ZNF804A: variants seen among roughly 807,000 people sequenced by gnomAD.
ZNF804A encodes the protein zinc finger protein 804A.
ZNF804A carries 2 observed loss-of-function variants against 16.5 expected under a neutral mutation model. The ratio of observed to expected loss-of-function variants is 0.12; its 90% CI spans 0.05 to 0.38. The LOEUF (loss-of-function observed/expected upper bound fraction) is 0.38, where lower values mean the gene tolerates loss of function less well. ZNF804A is among the 10% of genes least tolerant of loss of function. The probability of loss-of-function intolerance (pLI) is 0.99; values close to 1 mark genes in which losing one functional copy is unlikely to be tolerated. For missense variants in ZNF804A, 1,473 were observed against 1,390.7 expected, an observed-to-expected ratio of 1.06 and a Z score of -0.94; for synonymous variants, 534 against 489.6, an observed-to-expected ratio of 1.09 and a Z score of -1.20.
chr2:184,813,982 G>A (rs1257505631), intron 1 of ZNF804A, among the ~76,000 whole-genome samples: 2 of 124,712 alleles, frequency 1.6e-5, no homozygotes, highest in African/African-American at 5.9e-5. Flanking sequence ...GGGCATGTTT[G>A]AGAAAGGCAG....
chr2:184,740,555 T>C (rs534033160), intron 1 of ZNF804A, among the ~76,000 whole-genome samples: 3 of 152,308 alleles, frequency 2.0e-5, no homozygotes, highest in Admixed American at 2.0e-4. Context: ...TGTGATTAAA[T>C]AAAACCTCAG....
intron 1 of ZNF804A, among the ~76,000 whole-genome samples, chr2:184,865,627 G>A (rs1695867976): frequency 2.0e-5 from 3 of 152,092 alleles, no homozygotes; most frequent in South Asian, 4.1e-4. Flanking sequence ...GCCATTTTAT[G>A]CATTGCAAAC....
intron 1 of ZNF804A, among the ~76,000 whole-genome samples, chr2:184,605,633 A>G (rs1691133931): frequency 6.6e-6 from 1 of 152,138 alleles, no homozygotes; most frequent in Non-Finnish European, 1.5e-5. Context: ...ACTGGGCATT[A>G]GAAGTAATCT....
chr2:184,725,680 T>C (rs972710484), intron 1 of ZNF804A, among the ~76,000 whole-genome samples: 2 of 151,592 alleles, frequency 1.3e-5, no homozygotes, highest in Non-Finnish European at 3.0e-5. Flanking sequence ...TAGTTCTATA[T>C]CATTTTACCA....
Position 184,935,913 on chromosome 2 carries a change from A to T in ZNF804A, c.517A>T (p.Ser173Cys), listed in dbSNP as rs367689479. ...QQDFKYTLIHSEENTKDATTV... is the reference protein window; with the variant it reads ...QQDFKYTLIHCEENTKDATTV... Reference sequence around the variant, plus strand: ...AGATTTCAAATATACTTTGATTCATAGTGAAGAGAATACTAAAGATGCTAC... The same window carrying T: ...AGATTTCAAATATACTTTGATTCATTGTGAAGAGAATACTAAAGATGCTAC... Residue 173 changes from serine to cysteine, a missense_variant, in exon 4 of 4, where the codon AGT becomes TGT. Coordinates refer to ENST00000302277, the MANE Select transcript of ZNF804A (RefSeq NM_194250.2). The T allele has an allele frequency of 1.1e-4, 177 of 1,613,868 alleles. No individual in the cohort carries two copies. Among genetic ancestry groups the T allele is most frequent in the Non-Finnish European group, 1.4e-4 (165 of 1,179,928 alleles).
chr2:184,681,799 C>G (rs1368990563), intron 1 of ZNF804A, among the ~76,000 whole-genome samples: 1 of 152,224 alleles, frequency 6.6e-6, no homozygotes, highest in African/African-American at 2.4e-5. Context: ...CTTCCCAACA[C>G]AAATGCAGCT....
chr2:184,666,339 T>G (rs577971509), intron 1 of ZNF804A, among the ~76,000 whole-genome samples: 29 of 152,100 alleles, frequency 1.9e-4, no homozygotes, highest in Non-Finnish European at 3.7e-4. Context: ...ACAGATTCAT[T>G]TCAAAGCCTA....
chr2:184,642,143 GT>G (rs1691805074), intron 1 of ZNF804A, among the ~76,000 whole-genome samples: 1 of 152,088 alleles, frequency 6.6e-6, no homozygotes, highest in Non-Finnish European at 1.5e-5. Flanking sequence ...AAATTGAAAT[GT>G]TTGTGGCACT....
intron 1 of ZNF804A, among the ~76,000 whole-genome samples, chr2:184,797,558 G>A (rs915808464): frequency 6.6e-6 from 1 of 152,130 alleles, no homozygotes; most frequent in Non-Finnish European, 1.5e-5. Context: ...TAGTTGGTTT[G>A]TGAGTTCTTT....
At chr2:184,798,357 C>T (rs948389145) in intron 1 of ZNF804A, among the ~76,000 whole-genome samples, 1 of 151,738 alleles carries the variant, frequency 6.6e-6, no homozygotes, top group Non-Finnish European at 1.5e-5. Flanking sequence ...GATTTTTCTT[C>T]TTTTTCAGGA....
At position 184,938,423 on chromosome 2, in the gene ZNF804A, A is replaced by T. The variant is rs1559009840; in HGVS notation, c.3027A>T (p.Glu1009Asp). 1 of 1,614,122 alleles carries T rather than the reference A, an allele frequency of 6.2e-7. No individual in the cohort carries two copies. The highest frequency in any genetic ancestry group is 1.7e-5 in the Admixed American group (1 of 60,006). The change falls in exon 4 of 4, where the codon GAA becomes GAT. Residue 1009 changes from glutamate (E) to aspartate (D), a missense_variant. Coordinates refer to ENST00000302277, the MANE Select transcript of ZNF804A (RefSeq NM_194250.2). ...LNTQPPLPFK[E>D]AHVSGHTFVT... is the part of the protein sequence containing the mutation. ...CACAACCACCATTACCATTCAAAGA[A>T]GCACATGTCAGTGGTCATACTTTTG... is the stretch of plus-strand genomic sequence containing the variant.
intron 1 of ZNF804A, among the ~76,000 whole-genome samples, chr2:184,751,401 A>C (rs13384546): frequency 0.14 from 21,788 of 151,470 alleles, 1,695 homozygotes; most frequent in Middle Eastern, 0.24. Flanking sequence ...CACAGGCCCT[A>C]AAATAACAAA....
At chr2:184,934,106 T>C (rs1049137381) in intron 3 of ZNF804A, among the ~76,000 whole-genome samples, 1 of 152,158 alleles carries the variant, frequency 6.6e-6, no homozygotes, top group Non-Finnish European at 1.5e-5. Context: ...AGAGATACTT[T>C]TTAAAATGAA....
At chr2:184,783,668 T>G (rs1694406402) in intron 1 of ZNF804A, among the ~76,000 whole-genome samples, 1 of 151,920 alleles carries the variant, frequency 6.6e-6, no homozygotes, top group African/African-American at 2.4e-5. Flanking sequence ...TGGTTTCTCC[T>G]GTAAGCCTAC....
At chr2:184,641,278 A>G (rs1050629381) in intron 1 of ZNF804A, among the ~76,000 whole-genome samples, 8 of 152,188 alleles carry the variant, frequency 5.3e-5, no homozygotes, top group Non-Finnish European at 1.0e-4. Context: ...ACAAATTGCT[A>G]ATATAAAGCT....
intron 1 of ZNF804A, among the ~76,000 whole-genome samples, chr2:184,664,584 G>C (rs2105708487): frequency 1.3e-5 from 2 of 152,144 alleles, no homozygotes; most frequent in South Asian, 4.2e-4. Flanking sequence ...ATTTTAAGGA[G>C]AAATTTAATT....
At chr2:184,783,046 T>A (rs943900550) in intron 1 of ZNF804A, among the ~76,000 whole-genome samples, 1 of 150,438 alleles carries the variant, frequency 6.6e-6, no homozygotes, top group Non-Finnish European at 1.5e-5. Context: ...TCCTCCACAG[T>A]GTGATTTCAA....
At chr2:184,905,158 C>G (rs930667144) in intron 2 of ZNF804A, among the ~76,000 whole-genome samples, 2 of 151,878 alleles carry the variant, frequency 1.3e-5, no homozygotes, top group African/African-American at 4.8e-5. Context: ...AAGTCAGTAA[C>G]TGAACACATA....
intron 1 of ZNF804A, among the ~76,000 whole-genome samples, chr2:184,757,095 A>G (rs1329249439): frequency 6.6e-6 from 1 of 152,076 alleles, no homozygotes; most frequent in East Asian, 1.9e-4. Context: ...AATTTATCTT[A>G]CATGATAAAC....
Sources: gnomAD v4.1 joint callset for allele counts (sites outside exome capture counted in the v4.1 genomes callset) on GRCh38, gnomAD v4.1.1 for gene constraint, MANE v1.5 for transcripts, NCBI Gene and HGNC (gene_info 2026-07-23, HGNC 2026-07-21) for gene names.